Variants in FAM178B observed in about 807,000 individuals in gnomAD.
FAM178B encodes the protein protein FAM178B.
A neutral mutation model predicts 91.7 loss-of-function variants in FAM178B; 82 were observed. That is an observed-to-expected ratio of 0.89 (90% CI 0.75 to 1.07). The LOEUF (loss-of-function observed/expected upper bound fraction) is 1.07, where lower values mean the gene tolerates loss of function less well. FAM178B is among the 50% of genes least tolerant of loss of function. The pLI is 0.00. For synonymous variants in FAM178B, 368 were observed against 359.4 expected (o/e 1.02, Z -0.27); for missense variants, 769 against 846.7 (o/e 0.91, Z 1.14).
At chr2:96,966,774 A>G (rs1226584306) in intron 5 of FAM178B, among the ~76,000 whole-genome samples, 1 of 151,922 alleles carries the variant, frequency 6.6e-6, no homozygotes, top group Non-Finnish European at 1.5e-5. Context: ...TAGGATTGGT[A>G]CCCTTATGAA....
intron 1 of FAM178B, among the ~76,000 whole-genome samples, chr2:96,985,793 A>T (rs1223809131): frequency 6.6e-6 from 1 of 152,234 alleles, no homozygotes; most frequent in African/African-American, 2.4e-5. Context: ...GACTGAGCTC[A>T]CAATTTGAAA....
Position 96,980,169 on chromosome 2 carries a change from C to T in FAM178B, c.73+6072G>A, listed in dbSNP as rs566197837. Among the ~76,000 whole-genome samples, 65 of 151,804 alleles carry T rather than the reference C, an allele frequency of 4.3e-4. No homozygotes were observed. In the South Asian group the frequency reaches 0.012, roughly 28 times the overall value. ...TGGCTCACTGCAACCTCCGCCTCCC[C>T]GTTTTAAGCAATTCTCATGCCTCAG... On this transcript the variant is annotated intron_variant, in intron 1 of 16. Coordinates refer to ENST00000490605, the MANE Select transcript of FAM178B (RefSeq NM_001122646.3).
intron 12 of FAM178B, among the ~76,000 whole-genome samples, chr2:96,907,503 T>C (rs1344857509): frequency 6.6e-6 from 1 of 152,142 alleles, no homozygotes; most frequent in African/African-American, 2.4e-5. Context: ...CACTGTCATA[T>C]AAGGCAACAG....
intron 9 of FAM178B, among the ~76,000 whole-genome samples, chr2:96,927,508 A>C (rs905513589): frequency 6.6e-6 from 1 of 152,176 alleles, no homozygotes; most frequent in Non-Finnish European, 1.5e-5. Flanking sequence ...CCTGGGCCCG[A>C]TCTAGGACAA....
chr2:96,951,489 G>T lies in FAM178B; in HGVS notation c.888-5C>A, dbSNP rs2081927196. On this transcript the variant is annotated splice_region_variant and splice_polypyrimidine_tract_variant and intron_variant, in intron 6 of 16. Transcript: ENST00000490605. ...AGCTGTTGGGCTGGCGGGGAGCTGG[G>T]AGGCAGAGGGCTGAGGTTAGGGGAG... 1.3e-6 allele frequency: 2 copies of T among 1,550,374 alleles called. No individual in the cohort carries two copies. Among genetic ancestry groups the T allele is most frequent in the Non-Finnish European group, 1.7e-6 (2 of 1,145,870 alleles).
At chr2:96,896,763 C>G (rs886572411) in intron 13 of FAM178B, among the ~76,000 whole-genome samples, 2 of 152,204 alleles carry the variant, frequency 1.3e-5, no homozygotes, top group African/African-American at 4.8e-5. Context: ...AGCTGGTGCC[C>G]TGCCTGGGCC....
intron 16 of FAM178B, 139 bp from the exon 17 acceptor site, chr2:96,876,447 T>A: frequency 9.4e-7 from 1 of 1,064,674 alleles, no homozygotes. Flanking sequence ...GATGCCTGGG[T>A]TCACACTACT....
At chr2:96,950,253 C>T (rs540222873) in intron 7 of FAM178B, 4 of 862,710 alleles carry the variant, frequency 4.6e-6, no homozygotes, top group South Asian at 1.1e-4. Context: ...GCAGGGGCTG[C>T]ACCGCCAGCG....
intron 1 of FAM178B, among the ~76,000 whole-genome samples, chr2:96,976,111 T>G (rs553036459): frequency 1.1e-3 from 164 of 152,030 alleles, no homozygotes; most frequent in African/African-American, 3.8e-3. Context: ...TTTTTTTTTT[T>G]TGAGAGAGAG....
intron 13 of FAM178B, among the ~76,000 whole-genome samples, chr2:96,902,069 G>C (rs1426658848): frequency 1.3e-5 from 2 of 151,710 alleles, no homozygotes; most frequent in Non-Finnish European, 2.9e-5. Flanking sequence ...CAAAGTGCTG[G>C]GATTATAGGT....
rs141955998 is a variant in FAM178B at position 96,893,734 on chromosome 2, G to C, written c.1776+192C>G. 4.5e-3 allele frequency among the ~76,000 whole-genome samples: 691 copies of C among 152,278 alleles called. 3 individuals carry two copies. Among genetic ancestry groups the C allele is most frequent in the African/African-American group, 0.016 (674 of 41,562 alleles). ...CCCAGCGCCTGCGGCACGGGTAACA[G>C]CACTAATTACAGGTGAGATGCTGAG... On this transcript the variant is annotated intron_variant, in intron 14 of 16. Transcript: ENST00000490605.
intron 7 of FAM178B, among the ~76,000 whole-genome samples, chr2:96,948,518 C>A (rs1250904472): frequency 6.6e-6 from 1 of 152,196 alleles, no homozygotes; most frequent in African/African-American, 2.4e-5. Context: ...TGCAGAGAGG[C>A]TGACAAGGGA....
intron 1 of FAM178B, among the ~76,000 whole-genome samples, chr2:96,985,236 A>G (rs2082407975): frequency 6.6e-6 from 1 of 152,136 alleles, no homozygotes; most frequent in Non-Finnish European, 1.5e-5. Flanking sequence ...CCTGGGGCCC[A>G]ATACCCGCCA....
intron 14 of FAM178B, among the ~76,000 whole-genome samples, chr2:96,886,023 C>T (rs906298295): frequency 6.6e-6 from 1 of 152,048 alleles, no homozygotes; most frequent in African/African-American, 2.4e-5. Flanking sequence ...TTTTCACTTA[C>T]TGAATTGTCT....
intron 14 of FAM178B, among the ~76,000 whole-genome samples, chr2:96,892,135 C>T (rs13410790): frequency 0.25 from 38,506 of 152,078 alleles, 6,199 homozygotes; most frequent in South Asian, 0.67. Flanking sequence ...AGGAGTCATC[C>T]GGCCGGGGTG....
chr2:96,962,163 G>C (rs1025110525), intron 5 of FAM178B, among the ~76,000 whole-genome samples: 4 of 152,076 alleles, frequency 2.6e-5, no homozygotes, highest in African/African-American at 9.7e-5. Context: ...TTAGCTGGGC[G>C]TGGTAGCCGG....
rs1460109406 is a variant in FAM178B, at chr2:96,971,886, T to C, written c.564+15A>G. ...GTAGCCAAGGAGAAGAGGCCAAGGG[T>C]GGACACAGGCTCACCTCTGGGGCCG... On this transcript the variant is annotated intron_variant, in intron 3 of 16. Coordinates refer to ENST00000490605, the MANE Select transcript of FAM178B (RefSeq NM_001122646.3). 1 of 1,469,496 alleles carries C rather than the reference T, an allele frequency of 6.8e-7. No individual in the cohort carries two copies. The highest frequency in any genetic ancestry group is 9.0e-7 in the Non-Finnish European group (1 of 1,109,022). The allele number at this position is 1,469,496 out of a possible 1,614,324, so 91.0% of individuals were successfully genotyped here.
intron 12 of FAM178B, among the ~76,000 whole-genome samples, chr2:96,909,467 C>T (rs2081115122): frequency 1.3e-5 from 2 of 152,200 alleles, no homozygotes. Flanking sequence ...ATTCCCGTGG[C>T]TGCCCCTTCC....
Position 96,877,902 on chromosome 2 carries a change from G to T in FAM178B, c.1995C>A (p.His665Gln), listed in dbSNP as rs754494860. Residue 665 changes from histidine (H) to glutamine (Q), a missense_variant, in exon 16 of 17, where the codon CAC becomes CAA. Transcript: ENST00000490605. ...TYIRWQELLT[H>Q]CQPQAQYFSP... ...GAGGGGGCACCACCTGGGGCTGGCA[G>T]TGGGTCAGCAGCTCCTGCCAACGGA... 33 of 1,613,166 alleles carry T rather than the reference G, an allele frequency of 2.0e-5. No homozygotes were observed. The East Asian group carries it at 6.9e-4, about 34-fold the overall frequency.
Sources: gnomAD v4.1 joint callset for allele counts (sites outside exome capture counted in the v4.1 genomes callset) on GRCh38, gnomAD v4.1.1 for gene constraint, MANE v1.5 for transcripts, NCBI Gene and HGNC (gene_info 2026-07-23, HGNC 2026-07-21) for gene names.